STARD9: variants seen among roughly 807,000 people sequenced by gnomAD.
STARD9 encodes StAR related lipid transfer domain containing 9.
STARD9 carries 346 observed loss-of-function variants against 399.8 expected under a neutral mutation model. The ratio of observed to expected loss-of-function variants is 0.87; its 90% CI spans 0.79 to 0.95. STARD9 has a LOEUF of 0.95. STARD9 is among the 40% of genes least tolerant of loss of function. The pLI is 0.00. For synonymous variants in STARD9, 2,203 were observed against 2,143.5 expected, an observed-to-expected ratio of 1.03 and a Z score of -0.77; for missense variants, 5,832 against 5,667.5, an observed-to-expected ratio of 1.03 and a Z score of -0.93.
chr15:42,585,622 T>C lies in STARD9; in HGVS notation c.219T>C (p.Tyr73=). 1 of 1,532,660 alleles carries C rather than the reference T, an allele frequency of 6.5e-7. No individual in the cohort carries two copies. Among genetic ancestry groups the C allele is most frequent in the Non-Finnish European group, 8.8e-7 (1 of 1,142,740 alleles). The allele number at this position is 1,532,660 out of a possible 1,614,324, so 94.9% of individuals were successfully genotyped here. ...YWSVNPEDPQ[Y]ASQDVVFQDL... ...CAGTCAACCCAGAGGATCCCCAGTA[T>C]GCATCTCAAGATGTGGTAATATCAT... is the stretch of plus-strand genomic sequence containing the variant. The change falls in exon 3 of 33, where the codon TAT becomes TAC. Residue 73 remains tyrosine (Y), a synonymous_variant. Transcript: ENST00000290607.
At chr15:42,600,492 G>T (rs1169507451) in intron 3 of STARD9, among the ~76,000 whole-genome samples, 2 of 151,672 alleles carry the variant, frequency 1.3e-5, no homozygotes, top group Non-Finnish European at 2.9e-5. Flanking sequence ...ATGTGTGTGT[G>T]AGAGAGAGAG....
intron 26 of STARD9, among the ~76,000 whole-genome samples, chr15:42,708,000 A>C (rs2061127479): frequency 6.6e-6 from 1 of 150,806 alleles, no homozygotes; most frequent in South Asian, 2.1e-4. Context: ...ATAGAAAAAA[A>C]AAAAAAAGCC....
chr15:42,717,718 A>G lies in STARD9; in HGVS notation c.13495-13A>G, dbSNP rs2061375635. On this transcript the variant is annotated splice_polypyrimidine_tract_variant and intron_variant, in intron 28 of 32. Transcript: ENST00000290607. ...TGTGCCTCCTAATTTGGGTGTGGCCATTGTGTCCCCAGGTAATGGCTGCTT... is the reference window on the plus strand; with the variant it reads ...TGTGCCTCCTAATTTGGGTGTGGCCGTTGTGTCCCCAGGTAATGGCTGCTT... The G allele has an allele frequency of 1.3e-6, 2 of 1,536,992 alleles. No homozygotes were observed. Among genetic ancestry groups the G allele is most frequent in the South Asian group, 1.2e-5 (1 of 84,060 alleles).
intron 10 of STARD9, among the ~76,000 whole-genome samples, chr15:42,662,502 G>A (rs1041287599): frequency 3.9e-5 from 6 of 152,116 alleles, no homozygotes; most frequent in South Asian, 2.1e-4. Flanking sequence ...CCAAAAAGCC[G>A]TGCTAATATC....
At position 42,718,706 on chromosome 15, in the gene STARD9, T is replaced by C. The variant is rs540190422; in HGVS notation, c.13843-46T>C. ...GTCTACACGGGAGCCTGTTCCTGTT[T>C]TGTCCACACTACACAGGCAGGACTC... is the stretch of plus-strand genomic sequence containing the variant. On this transcript the variant is annotated intron_variant, in intron 31 of 32. Transcript: ENST00000290607. 2.0e-6 allele frequency: 3 copies of C among 1,528,512 alleles called. No homozygotes were observed. The South Asian group carries it at 3.6e-5, about 18-fold the overall frequency. The allele number at this position is 1,528,512 out of a possible 1,614,324, so 94.7% of individuals were successfully genotyped here.
chr15:42,615,225 G>C (rs576983427), intron 3 of STARD9, among the ~76,000 whole-genome samples: 13 of 152,068 alleles, frequency 8.5e-5, no homozygotes, highest in African/African-American at 3.1e-4. Flanking sequence ...GGCCAGTCTG[G>C]TCTCAAACTC....
intron 15 of STARD9, among the ~76,000 whole-genome samples, chr15:42,667,211 G>A (rs2060119555): frequency 6.6e-6 from 1 of 151,660 alleles, no homozygotes; most frequent in Non-Finnish European, 1.5e-5. Flanking sequence ...TTGAAACGGA[G>A]TCTCACCCTG....
At position 42,684,726 on chromosome 15, in the gene STARD9, A is replaced by T; in HGVS notation, c.3148A>T (p.Thr1050Ser). The change falls in exon 23 of 33, where the codon ACT (threonine) becomes TCT (serine). Residue 1050 changes from threonine (T) to serine (S), a missense_variant. This residue lies in a region of STARD9 where 5,828 missense variants were observed against 5,651.1 expected (regional missense o/e 1.03). Coordinates refer to ENST00000290607, the MANE Select transcript of STARD9 (RefSeq NM_020759.3). ...AAAAAGGCATCAGAGGGTTCTGGCA[A>T]CTAGGGTCAGAAATATTACCAAAAA... is the stretch of plus-strand genomic sequence containing the variant. ...ASKRHQRVLATRVRNITKKSS... is the reference protein window; with the variant it reads ...ASKRHQRVLASRVRNITKKSS... 1 of 1,537,256 alleles carries T rather than the reference A, an allele frequency of 6.5e-7. No individual in the cohort carries two copies. The highest frequency in any genetic ancestry group is 8.7e-7 in the Non-Finnish European group (1 of 1,146,922).
chr15:42,613,179 A>G (rs941670105), intron 3 of STARD9, among the ~76,000 whole-genome samples: 1 of 152,102 alleles, frequency 6.6e-6, no homozygotes, highest in Non-Finnish European at 1.5e-5. Flanking sequence ...TGTTATCTCT[A>G]TATAAACTCC....
At position 42,689,664 on chromosome 15, in the gene STARD9, T is replaced by A. The variant is rs750723056; in HGVS notation, c.8086T>A (p.Ser2696Thr). ...AGCAAGTGAACCATTTATATGTCAC[T>A]CTAGTTCTTCTGAAATCATAGAGAA... is the stretch of plus-strand genomic sequence containing the variant. ...AGASEPFICH[S>T]SSSEIIEKKK... The change falls in exon 23 of 33, where the codon TCT becomes ACT. Residue 2696 changes from serine (S) to threonine (T), a missense_variant. Physicochemically the swap from Ser to Thr is moderately conservative, Grantham distance 58. Around this residue, in one of 2 missense-constraint regions of STARD9, gnomAD observed 5,828 missense variants for 5,651.1 expected, o/e 1.03. Transcript: ENST00000290607. 6.5e-7 allele frequency: 1 copy of A among 1,537,762 alleles called. No homozygotes were observed. The highest frequency in any genetic ancestry group is 1.2e-5 in the South Asian group (1 of 84,054).
chr15:42,682,982 C>T (rs929628442), intron 22 of STARD9, among the ~76,000 whole-genome samples: 4 of 152,212 alleles, frequency 2.6e-5, no homozygotes, highest in Non-Finnish European at 4.4e-5. Context: ...CGACCTGCCA[C>T]ATCAAGTGAG....
rs1414868346 is a variant in STARD9 at position 42,652,580 on chromosome 15, C to G, written c.690C>G (p.Ile230Met). 6.5e-7 allele frequency: 1 copy of G among 1,536,736 alleles called. No homozygotes were observed. Among genetic ancestry groups the G allele is most frequent in the Non-Finnish European group, 8.7e-7 (1 of 1,146,604 alleles). ...ASSRSHAIFT[I>M]HYTQAILENN... Reference sequence around the variant, plus strand: ...GCAGATCCCACGCCATTTTCACGATCCACTACACGCAGGTTGGTAACTCCT... The same window carrying G: ...GCAGATCCCACGCCATTTTCACGATGCACTACACGCAGGTTGGTAACTCCT... The change falls in exon 9 of 33, where the codon ATC (isoleucine) becomes ATG (methionine). Residue 230 changes from isoleucine to methionine, a missense_variant. Physicochemically the swap from Ile to Met is conservative, Grantham distance 10. Coordinates refer to ENST00000290607, the MANE Select transcript of STARD9 (RefSeq NM_020759.3).
chr15:42,665,553 A>G (rs1489157284), intron 14 of STARD9, among the ~76,000 whole-genome samples: 3 of 152,192 alleles, frequency 2.0e-5, no homozygotes, highest in East Asian at 3.8e-4. Context: ...TTGTGCCTGG[A>G]TGGTCCTTGC....
rs1003282892 is a variant in STARD9 at position 42,685,398 on chromosome 15, T to C, written c.3820T>C (p.Ser1274Pro). The part of the protein sequence containing the change: ...RLDAVLPMSS[S>P]FYLDPQFQPH... ...GGATGCCGTCCTGCCAATGAGCAGT[T>C]CGTTTTACCTTGATCCTCAGTTCCA... The change falls in exon 23 of 33, where the codon TCG becomes CCG. Residue 1274 changes from serine (S) to proline (P), a missense_variant. Physicochemically the swap from Ser to Pro is moderately conservative, Grantham distance 74. Around this residue, in one of 2 missense-constraint regions of STARD9, gnomAD observed 5,828 missense variants for 5,651.1 expected, o/e 1.03. Coordinates refer to ENST00000290607, the MANE Select transcript of STARD9 (RefSeq NM_020759.3). 1 of 1,536,560 alleles carries C rather than the reference T, an allele frequency of 6.5e-7. No individual in the cohort carries two copies. Among genetic ancestry groups the C allele is most frequent in the Non-Finnish European group, 8.7e-7 (1 of 1,146,744 alleles).
intron 1 of STARD9, chr15:42,581,474 A>G (rs1814518): frequency 0.85 from 1,294,571 of 1,517,286 alleles, 558,100 homozygotes; most frequent in Non-Finnish European, 0.89. Flanking sequence ...GGCCGCTGCC[A>G]GCGGAGGAGG....
intron 3 of STARD9, among the ~76,000 whole-genome samples, chr15:42,588,900 C>T (rs191874576): frequency 2.2e-4 from 33 of 147,364 alleles, no homozygotes; most frequent in South Asian, 1.9e-3. Context: ...CTGCAACCTC[C>T]GCCTCCTGGG....
At chr15:42,651,321 G>A (rs2059758380) in intron 8 of STARD9, among the ~76,000 whole-genome samples, 1 of 152,130 alleles carries the variant, frequency 6.6e-6, no homozygotes, top group Non-Finnish European at 1.5e-5. Context: ...AATAATATTA[G>A]GCAGTAAGCC....
chr15:42,699,392 C>CTTTTCTTTTTTTTTTTT (rs1359323091), intron 26 of STARD9, among the ~76,000 whole-genome samples: 4 of 113,282 alleles, frequency 3.5e-5, no homozygotes, highest in East Asian at 2.5e-4. Context: ...TTTTTCTTTT[C>CTTTTCTTTTTTTTTTTT]TTTTTTTTTT....
chr15:42,652,566 G>C lies in STARD9; in HGVS notation c.676G>C (p.Ala226Pro). The part of the protein sequence containing the change: ...HVHEASSRSH[A>P]IFTIHYTQAI... ...TCATGAGGCCAGCAGCAGATCCCAC[G>C]CCATTTTCACGATCCACTACACGCA... is the stretch of plus-strand genomic sequence containing the variant. Residue 226 changes from alanine (A) to proline (P), a missense_variant, in exon 9 of 33, where the codon GCC becomes CCC. Physicochemically the swap from Ala to Pro is conservative, Grantham distance 27. This residue lies in a region of STARD9 where 5,828 missense variants were observed against 5,651.1 expected (regional missense o/e 1.03). Transcript: ENST00000290607. 6.5e-7 allele frequency: 1 copy of C among 1,537,014 alleles called. No individual in the cohort carries two copies.
Sources: gnomAD v4.1 joint callset for allele counts (sites outside exome capture counted in the v4.1 genomes callset) on GRCh38, gnomAD v4.1.1 for gene constraint, gnomAD v4.1.1 regional missense constraint, MANE v1.5 for transcripts, NCBI Gene and HGNC (gene_info 2026-07-23, HGNC 2026-07-21) for gene names.